Variants in DNM3 observed in about 807,000 individuals in gnomAD.
DNM3 encodes dynamin-3.
A neutral mutation model predicts 101.6 loss-of-function variants in DNM3; 47 were observed. The observed-to-expected ratio is 0.46, with a 90% CI of 0.37 to 0.59. The LOEUF is 0.59. Among genes scored for constraint, DNM3 ranks in the 20% least tolerant of loss-of-function variants. DNM3 has a pLI of 0.00. For synonymous variants in DNM3, 385 were observed against 387.9 expected (o/e 0.99, Z 0.09); for missense variants, 849 against 1,085.7 (o/e 0.78, Z 3.06).
intron 14 of DNM3, among the ~76,000 whole-genome samples, chr1:172,192,271 G>C (rs1269536411): frequency 6.6e-6 from 1 of 151,746 alleles, no homozygotes; most frequent in African/African-American, 2.4e-5. Context: ...TTTTGTCTTT[G>C]GTTCTGTTTA....
intron 1 of DNM3, among the ~76,000 whole-genome samples, chr1:171,900,214 T>C (rs1217925483): frequency 1.3e-5 from 2 of 152,002 alleles, no homozygotes; most frequent in African/African-American, 2.4e-5. Flanking sequence ...AAGAGGACAA[T>C]AGCGTATTCA....
intron 4 of DNM3, among the ~76,000 whole-genome samples, chr1:172,017,313 TC>T: frequency 6.6e-6 from 1 of 152,280 alleles, no homozygotes; most frequent in South Asian, 2.1e-4. Context: ...TTTAGATGTT[TC>T]TTTTTTTCTA....
intron 14 of DNM3, among the ~76,000 whole-genome samples, chr1:172,247,231 G>C (rs1557877010): frequency 6.6e-6 from 1 of 152,050 alleles, no homozygotes; most frequent in Non-Finnish European, 1.5e-5. Context: ...TTCATTGCCA[G>C]GAGAGTAGTG....
chr1:172,389,616 T>C (rs555248000), intron 20 of DNM3, among the ~76,000 whole-genome samples: 1 of 152,070 alleles, frequency 6.6e-6, no homozygotes, highest in South Asian at 2.1e-4. Context: ...AAATCAGAAA[T>C]ATAAAGAGGA....
At chr1:171,969,436 C>T (rs1449623422) in intron 2 of DNM3, among the ~76,000 whole-genome samples, 1 of 152,160 alleles carries the variant, frequency 6.6e-6, no homozygotes, top group Non-Finnish European at 1.5e-5. Flanking sequence ...AGGGGCTGAA[C>T]TTCACTGTGA....
chr1:172,010,292 A>C (rs999426462), intron 4 of DNM3, among the ~76,000 whole-genome samples: 1 of 151,936 alleles, frequency 6.6e-6, no homozygotes, highest in Non-Finnish European at 1.5e-5. Context: ...TTATTTGCAA[A>C]GGTTTTTTTA....
At position 172,048,048 on chromosome 1, in the gene DNM3, T is replaced by C. The variant is rs943448481; in HGVS notation, c.1197-564T>C. Among the ~76,000 whole-genome samples the C allele has an allele frequency of 3.3e-5, 5 of 152,328 alleles. No homozygotes were observed. The East Asian group carries it at 7.7e-4, about 23-fold the overall frequency. On this transcript the variant is annotated intron_variant, in intron 9 of 20. Coordinates refer to ENST00000627582, the MANE Select transcript of DNM3 (RefSeq NM_015569.5). ...GTTCAGCATGAGAAAAGCATTATTATAACACCAGTTTGAATTAATTAGAGC... is the reference window on the plus strand; with the variant it reads ...GTTCAGCATGAGAAAAGCATTATTACAACACCAGTTTGAATTAATTAGAGC...
At chr1:171,983,520 C>T (rs2044996171) in intron 2 of DNM3, among the ~76,000 whole-genome samples, 1 of 151,874 alleles carries the variant, frequency 6.6e-6, no homozygotes, top group African/African-American at 2.4e-5. Flanking sequence ...GCTTTGTTTT[C>T]CCCTTACTGT....
At chr1:171,855,196 C>T (rs2125015632) in intron 1 of DNM3, among the ~76,000 whole-genome samples, 1 of 152,280 alleles carries the variant, frequency 6.6e-6, no homozygotes, top group South Asian at 2.1e-4. Context: ...CGTGTTCCTG[C>T]AAAGAACATG....
chr1:172,138,240 C>G (rs2057359469), intron 14 of DNM3: 1 of 151,386 alleles, frequency 6.6e-6, no homozygotes, highest in Non-Finnish European at 1.5e-5. Context: ...TTGCCCAGAC[C>G]CAGACTGGCA....
At chr1:171,932,552 A>G (rs914963057) in intron 2 of DNM3, among the ~76,000 whole-genome samples, 13 of 151,978 alleles carry the variant, frequency 8.6e-5, no homozygotes, top group African/African-American at 2.9e-4. Flanking sequence ...ATGGTTTTAT[A>G]TAGTGTTCAT....
At chr1:172,124,587 C>T (rs1442547719) in intron 13 of DNM3, among the ~76,000 whole-genome samples, 2 of 152,156 alleles carry the variant, frequency 1.3e-5, no homozygotes, top group Admixed American at 1.3e-4. Flanking sequence ...AATCCAGAGC[C>T]AGCTGGAAAG....
chr1:171,849,565 ATACT>A (rs1398122684), intron 1 of DNM3, among the ~76,000 whole-genome samples: 6 of 152,254 alleles, frequency 3.9e-5, no homozygotes, highest in Non-Finnish European at 5.9e-5. Flanking sequence ...TTGCATCAAA[ATACT>A]TACTTGTAGA....
intron 11 of DNM3, 21 bp from the exon 12 acceptor site, chr1:172,081,811 G>A (rs2125987816): frequency 1.3e-6 from 2 of 1,598,384 alleles, no homozygotes; most frequent in Middle Eastern, 1.7e-4. Flanking sequence ...TTTCACTGAA[G>A]TGTTTCTCTT....
intron 17 of DNM3, chr1:172,378,351 G>C (rs920976352): frequency 6.6e-6 from 1 of 152,098 alleles, no homozygotes; most frequent in African/African-American, 2.4e-5. Flanking sequence ...TTTGTGTATA[G>C]ATGTGTTCTG....
chr1:172,313,319 C>A (rs2065158533), intron 16 of DNM3, among the ~76,000 whole-genome samples: 2 of 152,078 alleles, frequency 1.3e-5, no homozygotes, highest in Admixed American at 1.3e-4. Context: ...TGGTAAGAGG[C>A]TATGATTAGA....
chr1:172,265,209 C>G lies in DNM3; in HGVS notation c.1769+11527C>G, dbSNP rs924433053. ...CTTTAAAAGAGTTACTCTGTAGTCC[C>G]CCATCATCAGGTGTGTGGGAATTAA... is the stretch of plus-strand genomic sequence containing the variant. On this transcript the variant is annotated intron_variant, in intron 15 of 20. Transcript: ENST00000627582. Among the ~76,000 whole-genome samples, 8 of 151,970 alleles carry G rather than the reference C, an allele frequency of 5.3e-5. No homozygotes were observed. The East Asian group carries it at 1.5e-3, about 29-fold the overall frequency.
intron 8 of DNM3, among the ~76,000 whole-genome samples, chr1:172,043,920 A>G (rs888681223): frequency 1.3e-5 from 2 of 152,088 alleles, no homozygotes; most frequent in African/African-American, 4.8e-5. Flanking sequence ...AATATTACTA[A>G]TTTTCTTTTA....
chr1:172,005,225 T>C (rs1297843377), intron 4 of DNM3, among the ~76,000 whole-genome samples: 1 of 152,062 alleles, frequency 6.6e-6, no homozygotes, highest in African/African-American at 2.4e-5. Context: ...TGTTTTGATA[T>C]TAAATGAGTT....
Sources: allele counts gnomAD v4.1 joint callset (sites outside exome capture counted in the v4.1 genomes callset), GRCh38; gene constraint gnomAD v4.1.1; transcripts MANE v1.5; gene names NCBI Gene and HGNC (gene_info 2026-07-23, HGNC 2026-07-21).